Variants in DOCK3 observed in about 807,000 individuals in gnomAD.
DOCK3 encodes the protein dedicator of cytokinesis protein 3.
A neutral mutation model predicts 265.6 loss-of-function variants in DOCK3; 60 were observed. The ratio of observed to expected loss-of-function variants is 0.23; its 90% CI spans 0.18 to 0.28. The LOEUF (loss-of-function observed/expected upper bound fraction) is 0.28. Ranked by LOEUF, DOCK3 falls within the 10% of genes least tolerant of loss-of-function variation. The pLI is 1.00. For synonymous variants in DOCK3, 881 were observed against 938.0 expected (o/e 0.94, Z 1.11); for missense variants, 1,981 against 2,594.3 (o/e 0.76, Z 5.14).
At chr3:50,883,592 C>T (rs1360239905) in intron 3 of DOCK3, among the ~76,000 whole-genome samples, 1 of 151,832 alleles carries the variant, frequency 6.6e-6, no homozygotes, top group African/African-American at 2.4e-5. Flanking sequence ...TCTTCCATTC[C>T]TGAAATGTAT....
At chr3:50,873,620 A>T (rs2047542347) in intron 3 of DOCK3, among the ~76,000 whole-genome samples, 1 of 152,170 alleles carries the variant, frequency 6.6e-6, no homozygotes, top group Non-Finnish European at 1.5e-5. Context: ...GGACTCACCT[A>T]GGAGTTACAG....
chr3:51,024,075 G>A (rs2079709455), intron 5 of DOCK3, among the ~76,000 whole-genome samples: 1 of 152,092 alleles, frequency 6.6e-6, no homozygotes, highest in African/African-American at 2.4e-5. Context: ...TTAAGGGTCT[G>A]ACTTCAATGT....
At chr3:50,742,685 A>G (rs1351266754) in intron 1 of DOCK3, among the ~76,000 whole-genome samples, 1 of 152,146 alleles carries the variant, frequency 6.6e-6, no homozygotes, top group Non-Finnish European at 1.5e-5. Context: ...TCCAAGAAAT[A>G]TGGGACTATG....
intron 27 of DOCK3, among the ~76,000 whole-genome samples, chr3:51,281,305 A>ATATC (rs1491189823): frequency 2.3e-5 from 3 of 132,740 alleles, no homozygotes; most frequent in African/African-American, 5.5e-5. Context: ...ATATATATAT[A>ATATC]TCTCATAATA....
rs1161945508 is a variant in DOCK3 at position 51,065,931 on chromosome 3, C to T, written c.464+1335C>T. Among the ~76,000 whole-genome samples the T allele has an allele frequency of 4.6e-5, 7 of 152,040 alleles. No individual in the cohort carries two copies. In the East Asian group the frequency reaches 9.6e-4, roughly 21 times the overall value. On this transcript the variant is annotated intron_variant, in intron 6 of 52. Transcript: ENST00000266037. ...CTGTACACAAAGAAAGTAACCTGTC[C>T]CCAGAGCAAATTGAGATTGATAAAG...
intron 5 of DOCK3, among the ~76,000 whole-genome samples, chr3:50,937,144 G>A (rs534205711): frequency 3.8e-4 from 58 of 152,034 alleles, no homozygotes; most frequent in Middle Eastern, 3.4e-3. Context: ...AGACATGGTG[G>A]TGCATGCTTG....
At chr3:51,241,224 C>A (rs1161012243) in intron 21 of DOCK3, among the ~76,000 whole-genome samples, 1 of 152,160 alleles carries the variant, frequency 6.6e-6, no homozygotes, top group African/African-American at 2.4e-5. Flanking sequence ...ATTGGAATTT[C>A]TTTTCTTTAA....
intron 12 of DOCK3, among the ~76,000 whole-genome samples, chr3:51,192,657 G>T (rs1389006196): frequency 6.6e-6 from 1 of 152,048 alleles, no homozygotes; most frequent in Admixed American, 6.6e-5. Flanking sequence ...GCAGTCACAG[G>T]TTGAGAGAAG....
Position 50,890,009 on chromosome 3 carries a change from T to C in DOCK3, c.163-17T>C. ...CAATTTTATTTTTTCTAACAGGAAATATTTTCTCTTTTACAGGGGATCTTT... is the reference window on the plus strand; with the variant it reads ...CAATTTTATTTTTTCTAACAGGAAACATTTTCTCTTTTACAGGGGATCTTT... On this transcript the variant is annotated splice_polypyrimidine_tract_variant and intron_variant, in intron 3 of 52. Transcript: ENST00000266037. 2 of 1,401,196 alleles carry C rather than the reference T, an allele frequency of 1.4e-6. No individual in the cohort carries two copies. The highest frequency in any genetic ancestry group is 1.8e-6 in the Non-Finnish European group (2 of 1,083,874). The allele number at this position is 1,401,196 out of a possible 1,614,324, so 86.8% of individuals were successfully genotyped here.
chr3:51,273,889 G>A (rs185175044), intron 24 of DOCK3, among the ~76,000 whole-genome samples: 8 of 152,196 alleles, frequency 5.3e-5, no homozygotes, highest in Non-Finnish European at 7.3e-5. Context: ...GGAATACAGG[G>A]TGCCAGAAAC....
chr3:51,197,097 G>A (rs7619584), intron 12 of DOCK3, among the ~76,000 whole-genome samples: 138,813 of 152,242 alleles, frequency 0.91, 63,433 homozygotes, highest in African/African-American at 0.95. Context: ...GTGCAGTAGT[G>A]TCATCTCTGT....
At chr3:50,740,848 G>A (rs1486624790) in intron 1 of DOCK3, among the ~76,000 whole-genome samples, 1 of 151,972 alleles carries the variant, frequency 6.6e-6, no homozygotes, top group Non-Finnish European at 1.5e-5. Context: ...ATAACATAAA[G>A]TGACCATTTT....
intron 1 of DOCK3, among the ~76,000 whole-genome samples, chr3:50,755,347 G>C (rs905804539): frequency 2.0e-5 from 3 of 152,160 alleles, no homozygotes; most frequent in African/African-American, 7.2e-5. Context: ...TTGCCAAACT[G>C]AACCTTTTTC....
chr3:50,705,427 A>T (rs898346186), intron 1 of DOCK3, among the ~76,000 whole-genome samples: 4 of 151,130 alleles, frequency 2.6e-5, no homozygotes, highest in African/African-American at 9.7e-5. Flanking sequence ...TTTTATTTTT[A>T]TTTTTTGAGA....
At chr3:51,056,699 A>G (rs997078822) in intron 5 of DOCK3, among the ~76,000 whole-genome samples, 1 of 152,210 alleles carries the variant, frequency 6.6e-6, no homozygotes, top group African/African-American at 2.4e-5. Context: ...GAAGATTAGT[A>G]GTAATGAAAA....
At chr3:51,366,877 T>C (rs1291950006) in intron 49 of DOCK3, among the ~76,000 whole-genome samples, 1 of 152,234 alleles carries the variant, frequency 6.6e-6, no homozygotes, top group African/African-American at 2.4e-5. Context: ...TTTCTTTTCT[T>C]TTACATTTCC....
chr3:50,975,049 G>A (rs949568902), intron 5 of DOCK3, among the ~76,000 whole-genome samples: 1 of 151,622 alleles, frequency 6.6e-6, no homozygotes, highest in Non-Finnish European at 1.5e-5. Flanking sequence ...GGCTGAGACA[G>A]TGGGATTTTC....
chr3:50,911,538 A>G (rs146440499), intron 4 of DOCK3, among the ~76,000 whole-genome samples: 3 of 152,098 alleles, frequency 2.0e-5, no homozygotes, highest in African/African-American at 7.2e-5. Flanking sequence ...TGCCAGTACC[A>G]TGTTGTTTTG....
intron 9 of DOCK3, among the ~76,000 whole-genome samples, chr3:51,106,950 C>T (rs2083305959): frequency 6.6e-6 from 1 of 152,218 alleles, no homozygotes; most frequent in African/African-American, 2.4e-5. Flanking sequence ...TGGTTGGCAC[C>T]ACCCAGCAGA....
Sources: allele counts gnomAD v4.1 joint callset (sites outside exome capture counted in the v4.1 genomes callset), GRCh38; gene constraint gnomAD v4.1.1; transcripts MANE v1.5; gene names NCBI Gene and HGNC (gene_info 2026-07-23, HGNC 2026-07-21).